PHF2: variants seen among roughly 807,000 people sequenced by gnomAD.
The protein encoded by PHF2 is lysine-specific demethylase PHF2.
A neutral mutation model predicts 120.5 loss-of-function variants in PHF2; 27 were observed. That is an observed-to-expected ratio of 0.22 (90% CI 0.17 to 0.31). PHF2 has a LOEUF of 0.31. Among genes scored for constraint, PHF2 ranks in the 10% least tolerant of loss-of-function variants. PHF2 has a pLI of 1.00. For missense variants in PHF2, 1,024 were observed against 1,434.8 expected (o/e 0.71, Z 4.63); for synonymous variants, 568 against 592.5 (o/e 0.96, Z 0.60).
rs1357839176 is a variant in PHF2 at position 93,671,168 on chromosome 9, G to T, written c.2349-2417G>T. ...TGCAGGTGTGGATGTAGGTGTGGGA[G>T]TAGGTACAGGTGTAGATGCAGCTGT... is the stretch of plus-strand genomic sequence containing the variant. On this transcript the variant is annotated intron_variant, in intron 17 of 21. Transcript: ENST00000359246. 3 of 982,484 alleles carry T rather than the reference G, an allele frequency of 3.1e-6. No individual in the cohort carries two copies. In the East Asian group the frequency reaches 3.4e-4, roughly 112 times the overall value. 60.9% of individuals were successfully genotyped at this position (982,484 alleles called of 1,614,324 possible).
chr9:93,616,707 G>A (rs576792149), intron 1 of PHF2, among the ~76,000 whole-genome samples: 34 of 151,342 alleles, frequency 2.2e-4, no homozygotes, highest in Middle Eastern at 3.2e-3. Context: ...TGGAGCTGGA[G>A]TGCAATGGCT....
In PHF2 at chr9:93,660,360, C is replaced by A; in HGVS notation, c.1498C>A (p.Pro500Thr). 2.5e-6 allele frequency: 4 copies of A among 1,590,286 alleles called. No individual in the cohort carries two copies. The highest frequency in any genetic ancestry group is 3.4e-6 in the Non-Finnish European group (4 of 1,168,166). ...AAAGACTCCCAAAACTGTGAAGATG[C>A]CCAAGCCATCCAAAATCCCCAAGCC... ...KKKTPKTVKMPKPSKIPKPPK... is the reference protein window; with the variant it reads ...KKKTPKTVKMTKPSKIPKPPK... Residue 500 changes from proline (P) to threonine (T), a missense_variant, in exon 12 of 22, where the codon CCC becomes ACC. Physicochemically the swap from Pro to Thr is conservative, Grantham distance 38 (BLOSUM62 -1). Around this residue, in one of 2 missense-constraint regions of PHF2, gnomAD observed 677 missense variants for 857.4 expected, o/e 0.79. Transcript: ENST00000359246.
chr9:93,588,095 G>A (rs1041760165), intron 1 of PHF2, among the ~76,000 whole-genome samples: 9 of 152,160 alleles, frequency 5.9e-5, no homozygotes, highest in African/African-American at 1.7e-4. Flanking sequence ...GGGTCTGGGC[G>A]GCCACTGCAC....
chr9:93,670,057 C>G (rs1826754699), intron 17 of PHF2, among the ~76,000 whole-genome samples: 1 of 152,234 alleles, frequency 6.6e-6, no homozygotes, highest in Non-Finnish European at 1.5e-5. Context: ...CTTCCCAGCC[C>G]CTCTCATCTG....
At chr9:93,641,719 C>T (rs146194998) in intron 3 of PHF2, among the ~76,000 whole-genome samples, 441 of 152,316 alleles carry the variant, frequency 2.9e-3, no homozygotes, top group African/African-American at 0.01. Context: ...ACACTTTCTG[C>T]CATTCTGTGT....
At position 93,576,930 on chromosome 9, in the gene PHF2, G is replaced by A. The variant is rs927622688; in HGVS notation, c.98+59G>A. 56 of 755,832 alleles carry A rather than the reference G, an allele frequency of 7.4e-5. No homozygotes were observed. The African/African-American group carries it at 8.7e-4, about 12-fold the overall frequency. The allele number at this position is 755,832 out of a possible 1,614,324, so 46.8% of individuals were successfully genotyped here. On this transcript the variant is annotated intron_variant, in intron 1 of 21. Coordinates refer to ENST00000359246, the MANE Select transcript of PHF2 (RefSeq NM_005392.4). ...CCCGGCCCGGCCACCTTGCCCGACCGAGCCCCGCGCCCCCGGCTGCGCGCC... is the reference window on the plus strand; with the variant it reads ...CCCGGCCCGGCCACCTTGCCCGACCAAGCCCCGCGCCCCCGGCTGCGCGCC...
Position 93,662,906 on chromosome 9 carries a change from G to A in PHF2, c.1699-1G>A, listed in dbSNP as rs779954057. 1.7e-5 allele frequency: 28 copies of A among 1,613,132 alleles called. No individual in the cohort carries two copies. Among genetic ancestry groups the A allele is most frequent in the Non-Finnish European group, 8.5e-7 (1 of 1,179,712 alleles). On this transcript the variant is annotated splice_acceptor_variant, in intron 12 of 21. Transcript: ENST00000359246. LOFTEE classifies it high-confidence loss of function. ...TGGGTCACAGCAGCCCTTTTTTCTA[G>A]GCCACAAAGAGTGTCCTGAGTGTGC...
intron 7 of PHF2, among the ~76,000 whole-genome samples, 192 bp downstream of exon 7, chr9:93,654,767 G>A (rs1218946403): frequency 1.3e-5 from 2 of 152,180 alleles, no homozygotes; most frequent in African/African-American, 2.4e-5. Flanking sequence ...GGAGCTTACC[G>A]CCACCCCAGC....
intron 2 of PHF2, among the ~76,000 whole-genome samples, chr9:93,635,258 G>C (rs1407064368): frequency 6.6e-6 from 1 of 152,064 alleles, no homozygotes; most frequent in Non-Finnish European, 1.5e-5. Context: ...AGCAGATCCT[G>C]CTCAGAGACA....
intron 2 of PHF2, among the ~76,000 whole-genome samples, chr9:93,630,350 GA>G (rs1368004672): frequency 6.6e-6 from 1 of 152,248 alleles, no homozygotes; most frequent in Non-Finnish European, 1.5e-5. Flanking sequence ...GAGTTAGGGG[GA>G]CACGGACTTG....
chr9:93,651,536 A>G (rs539802304), intron 5 of PHF2, among the ~76,000 whole-genome samples: 2 of 152,186 alleles, frequency 1.3e-5, no homozygotes, highest in East Asian at 3.9e-4. Context: ...CCAAGCAGGT[A>G]AGGTCAGGCC....
chr9:93,675,837 C>A, intron 20 of PHF2, 48 bp downstream of exon 20: 1 of 1,448,128 alleles, frequency 6.9e-7, no homozygotes, highest in Non-Finnish European at 9.6e-7. Flanking sequence ...CCTGCTACCC[C>A]CACCTGGTGG....
chr9:93,663,121 G>T, intron 13 of PHF2, 95 bp downstream of exon 13: 8 of 1,516,970 alleles, frequency 5.3e-6, no homozygotes, highest in Non-Finnish European at 7.2e-6. Context: ...GTGAAGGAAT[G>T]TGCAGACATG....
intron 1 of PHF2, among the ~76,000 whole-genome samples, chr9:93,592,311 A>T (rs981222489): frequency 4.6e-5 from 7 of 152,134 alleles, no homozygotes; most frequent in Non-Finnish European, 1.0e-4. Flanking sequence ...GGGTGATCCC[A>T]GGCAGACACA....
intron 17 of PHF2, 24 bp from the exon 18 acceptor site, chr9:93,673,561 G>A: frequency 6.5e-7 from 1 of 1,537,176 alleles, no homozygotes. Context: ...ACTGGGCTGA[G>A]TGCCTGTCTC....
chr9:93,598,621 T>C (rs1208799249), intron 1 of PHF2, among the ~76,000 whole-genome samples: 1 of 152,078 alleles, frequency 6.6e-6, no homozygotes, highest in Non-Finnish European at 1.5e-5. Context: ...AAGAGGTTGT[T>C]CGTGAGTATC....
chr9:93,587,936 C>T (rs758642603), intron 1 of PHF2, among the ~76,000 whole-genome samples: 1 of 152,166 alleles, frequency 6.6e-6, no homozygotes, highest in African/African-American at 2.4e-5. Context: ...GCCGTCTGTG[C>T]CACCTGCCCA....
rs760540144 is a variant in PHF2, at chr9:93,656,034, G to A, written c.1040+13G>A. ...AGATGCAGATGAGGTAGTGCCTGCC[G>A]CGCTGTCTGCCCTCGGGCTCCGCAG... On this transcript the variant is annotated intron_variant, in intron 8 of 21. Coordinates refer to ENST00000359246, the MANE Select transcript of PHF2 (RefSeq NM_005392.4). The surrounding 1 kb of genome is among the most constrained non-coding windows in gnomAD (Gnocchi z 4.1). 22 of 1,606,274 alleles carry A rather than the reference G, an allele frequency of 1.4e-5. No homozygotes were observed. The East Asian group carries it at 3.8e-4, about 28-fold the overall frequency.
At chr9:93,577,148 C>T (rs1188287313) in intron 1 of PHF2, among the ~76,000 whole-genome samples, 1 of 149,394 alleles carries the variant, frequency 6.7e-6, no homozygotes, top group Admixed American at 6.6e-5. Context: ...GCTCGGGGCT[C>T]GGGGCGCGGG....
Sources: gnomAD v4.1 joint callset for allele counts (sites outside exome capture counted in the v4.1 genomes callset) on GRCh38, gnomAD v4.1.1 for gene constraint, gnomAD v4.1.1 regional missense constraint, Gnocchi (gnomAD v3.1) non-coding constraint, MANE v1.5 for transcripts, NCBI Gene and HGNC (gene_info 2026-07-23, HGNC 2026-07-21) for gene names.